HEATR5B: variants seen among roughly 807,000 people sequenced by gnomAD.
HEATR5B encodes HEAT repeat containing 5B.
Under a neutral mutation model 224.1 loss-of-function variants are expected in HEATR5B, and 156 were observed. The observed-to-expected ratio is 0.70, with a 90% CI of 0.61 to 0.80. The LOEUF (loss-of-function observed/expected upper bound fraction) is 0.80. Among genes scored for constraint, HEATR5B ranks in the 30% least tolerant of loss-of-function variants. The probability of loss-of-function intolerance (pLI) is 0.00; values close to 1 mark genes in which losing one functional copy is unlikely to be tolerated. For missense variants in HEATR5B, 2,323 were observed against 2,535.5 expected (o/e 0.92, Z 1.80); for synonymous variants, 1,027 against 893.0 (o/e 1.15, Z -2.68).
rs771661587 is a variant in HEATR5B at position 37,053,606 on chromosome 2, A to G, written c.2401T>C (p.Leu801=). ...VFPHVSYKHR[L]QMLDHFAECV... is the part of the protein sequence containing the mutation. ...TCAGCAAAGTGATCCAACATTTGTA[A>G]TCTATAACAATAAGAAAAAAAAATC... is the stretch of plus-strand genomic sequence containing the variant. The change falls in exon 17 of 36, where the codon TTA becomes CTA. Residue 801 remains leucine, a splice_region_variant and synonymous_variant. Transcript: ENST00000233099. 6.3e-7 allele frequency: 1 copy of G among 1,578,820 alleles called. No homozygotes were observed. The highest frequency in any genetic ancestry group is 8.7e-7 in the Non-Finnish European group (1 of 1,156,014).
chr2:36,998,905 G>T (rs557814598), intron 33 of HEATR5B, among the ~76,000 whole-genome samples: 2 of 151,630 alleles, frequency 1.3e-5, no homozygotes, highest in Non-Finnish European at 2.9e-5. Flanking sequence ...TATATAGATA[G>T]ATATTTCTAA....
At chr2:37,065,938 A>T (rs770498422) in intron 8 of HEATR5B, 28 bp from the exon 9 acceptor site, 1 of 1,582,376 alleles carries the variant, frequency 6.3e-7, no homozygotes, top group Non-Finnish European at 8.6e-7. Flanking sequence ...TGTCTTTGAC[A>T]TAGGAGAAAT....
intron 2 of HEATR5B, among the ~76,000 whole-genome samples, chr2:37,081,357 T>C (rs1319510189): frequency 1.1e-4 from 17 of 152,182 alleles, no homozygotes; most frequent in Non-Finnish European, 1.5e-5. Context: ...GCATTGACTG[T>C]TTCTATAGAA....
intron 22 of HEATR5B, among the ~76,000 whole-genome samples, chr2:37,031,038 T>G (rs1669096878): frequency 6.6e-6 from 1 of 152,200 alleles, no homozygotes; most frequent in Non-Finnish European, 1.5e-5. Flanking sequence ...CAGCCCCCAA[T>G]AAAAACATTG....
chr2:36,984,237 T>TATATATATATATATATAAAA (rs1217602304), intron 35 of HEATR5B, among the ~76,000 whole-genome samples: 3 of 112,044 alleles, frequency 2.7e-5, no homozygotes, highest in African/African-American at 9.7e-5. Context: ...TATATATATA[T>TATATATATATATATATAAAA]AAAACTGGAA....
Position 37,008,727 on chromosome 2 carries a change from AAACT to A in HEATR5B, c.4402_4405del (p.Ser1468Ter). The A allele has an allele frequency of 1.2e-6, 2 of 1,614,102 alleles. No homozygotes were observed. Among genetic ancestry groups the A allele is most frequent in the Non-Finnish European group, 1.7e-6 (2 of 1,179,940 alleles). ...TAGTTCAGGTTGTACCAGTGTTATT[AAACT>A]ATCTGGTGGCAGTTCATCGATGGTA... On this transcript the variant is annotated frameshift_variant, in exon 28 of 36. Coordinates refer to ENST00000233099, the MANE Select transcript of HEATR5B (RefSeq NM_019024.3). LOFTEE classifies it high-confidence loss of function.
At chr2:36,995,502 T>C (rs1384580927) in intron 33 of HEATR5B, among the ~76,000 whole-genome samples, 1 of 152,186 alleles carries the variant, frequency 6.6e-6, no homozygotes, top group Admixed American at 6.5e-5. Context: ...CTAAAATAAT[T>C]TTAATCACAT....
chr2:37,071,948 T>C (rs960284668), intron 6 of HEATR5B, among the ~76,000 whole-genome samples, 162 bp downstream of exon 6: 52 of 152,172 alleles, frequency 3.4e-4, no homozygotes, highest in Non-Finnish European at 6.9e-4. Flanking sequence ...CTCCCAGAAG[T>C]GCTGGGATTA....
chr2:37,008,837 G>A lies in HEATR5B; in HGVS notation c.4296C>T (p.Val1432=), dbSNP rs766701842. The A allele has an allele frequency of 1.1e-5, 17 of 1,594,176 alleles. No individual in the cohort carries two copies. The East Asian group carries it at 1.3e-4, about 13-fold the overall frequency. Residue 1432 remains valine, a synonymous_variant, in exon 28 of 36, where the codon GTC becomes GTT. Transcript: ENST00000233099. ...CTGCTTCCTTTTTAATATTCATAGC[G>A]ACCACATATACCTAATATGATATTT... ...VLKAWAEVYV[V]AMNIKKEAES...
chr2:37,047,537 T>G (rs1670281877), intron 18 of HEATR5B, among the ~76,000 whole-genome samples: 4 of 152,216 alleles, frequency 2.6e-5, no homozygotes, highest in Admixed American at 2.6e-4. Context: ...CTCAGAGGTC[T>G]CAAAGTGACT....
chr2:37,072,449 A>G (rs1000372322), intron 5 of HEATR5B, among the ~76,000 whole-genome samples, 168 bp from the exon 6 acceptor site: 6 of 152,210 alleles, frequency 3.9e-5, no homozygotes, highest in Non-Finnish European at 4.4e-5. Context: ...AGCATCTTTG[A>G]GGAAAAAAAC....
chr2:37,067,119 C>T (rs913854843), intron 8 of HEATR5B, among the ~76,000 whole-genome samples: 3 of 152,120 alleles, frequency 2.0e-5, no homozygotes, highest in Admixed American at 2.0e-4. Context: ...AGTGATCCAC[C>T]CATCTTGGCC....
chr2:37,059,031 G>T, intron 12 of HEATR5B, 44 bp from the exon 13 acceptor site: 1 of 1,169,888 alleles, frequency 8.5e-7, no homozygotes, highest in Non-Finnish European at 1.3e-6. Flanking sequence ...TAGCTTTTGT[G>T]AACATGAATT....
chr2:37,001,147 G>C (rs1667062936), intron 32 of HEATR5B, among the ~76,000 whole-genome samples: 1 of 152,170 alleles, frequency 6.6e-6, no homozygotes, highest in Admixed American at 6.5e-5. Flanking sequence ...AACCACACCA[G>C]ATACTGTGGG....
intron 15 of HEATR5B, 85 bp downstream of exon 15, chr2:37,057,232 C>T (rs1670967446): frequency 4.9e-6 from 5 of 1,017,046 alleles, no homozygotes; most frequent in South Asian, 2.0e-5. Context: ...CCTTTCTATA[C>T]ACTATTTTCT....
At chr2:37,062,158 G>A (rs529280696) in intron 10 of HEATR5B, 108 bp from the exon 11 acceptor site, 6 of 662,100 alleles carry the variant, frequency 9.1e-6, no homozygotes, top group African/African-American at 5.4e-5. Context: ...TGGATGCGGT[G>A]GCTCATGCCT....
At chr2:37,005,516 A>G in intron 30 of HEATR5B, 116 bp downstream of exon 30, 1 of 805,284 alleles carries the variant, frequency 1.2e-6, no homozygotes, top group Non-Finnish European at 2.0e-6. Context: ...GAGTCAGTGT[A>G]TTCATATCAT....
intron 3 of HEATR5B, 70 bp from the exon 4 acceptor site, chr2:37,077,089 G>T: frequency 3.0e-6 from 4 of 1,319,014 alleles, no homozygotes; most frequent in Middle Eastern, 1.8e-4. Flanking sequence ...CTCATTTTTA[G>T]AAATCAATTT....
chr2:37,046,376 T>C (rs1222340839), intron 18 of HEATR5B, among the ~76,000 whole-genome samples: 1 of 152,166 alleles, frequency 6.6e-6, no homozygotes, highest in Non-Finnish European at 1.5e-5. Context: ...CACTGGCTCA[T>C]GTCTGTAATC....
Sources: gnomAD v4.1 joint callset for allele counts (sites outside exome capture counted in the v4.1 genomes callset) on GRCh38, gnomAD v4.1.1 for gene constraint, MANE v1.5 for transcripts, NCBI Gene and HGNC (gene_info 2026-07-23, HGNC 2026-07-21) for gene names.